NRP2: variants seen among roughly 807,000 people sequenced by gnomAD.
NRP2 encodes the protein neuropilin-2.
A neutral mutation model predicts 110.4 loss-of-function variants in NRP2; 52 were observed. The ratio of observed to expected loss-of-function variants is 0.47; its 90% CI spans 0.38 to 0.59. The LOEUF (loss-of-function observed/expected upper bound fraction) is 0.59. Ranked by LOEUF, NRP2 falls within the 20% of genes least tolerant of loss-of-function variation. The pLI is 0.00. For missense variants in NRP2, 1,049 were observed against 1,203.0 expected, an observed-to-expected ratio of 0.87 and a Z score of 1.89; for synonymous variants, 508 against 468.9, an observed-to-expected ratio of 1.08 and a Z score of -1.08.
intron 2 of NRP2, among the ~76,000 whole-genome samples, chr2:205,702,053 T>G (rs80234141): frequency 0.015 from 2,249 of 152,336 alleles, 42 homozygotes; most frequent in African/African-American, 0.051. Flanking sequence ...AAAGCTGTCA[T>G]AATAATAAAT....
chr2:205,702,698 C>T (rs2056586334), intron 2 of NRP2, among the ~76,000 whole-genome samples: 1 of 152,200 alleles, frequency 6.6e-6, no homozygotes, highest in Non-Finnish European at 1.5e-5. Flanking sequence ...ACAGAGAGAT[C>T]AGACCAGACC....
chr2:205,776,453 C>T (rs1253604632), intron 15 of NRP2: 1 of 1,612,942 alleles, frequency 6.2e-7, no homozygotes, highest in Admixed American at 1.7e-5. Context: ...TCCCACTACA[C>T]CAACGGGGCC....
At chr2:205,766,050 G>T (rs1163452761) in intron 14 of NRP2, among the ~76,000 whole-genome samples, 1 of 152,234 alleles carries the variant, frequency 6.6e-6, no homozygotes, top group Non-Finnish European at 1.5e-5. Context: ...GGCATTTGAA[G>T]TAAGATTTCA....
Position 205,793,213 on chromosome 2 carries a change from G to A in NRP2, c.2476+928G>A, listed in dbSNP as rs185719186. Among the ~76,000 whole-genome samples, 13 of 152,144 alleles carry A rather than the reference G, an allele frequency of 8.5e-5. No homozygotes were observed. The South Asian group carries it at 1.2e-3, about 15-fold the overall frequency. ...AGACCGCAGTAGATCAGGCAGAGGC[G>A]CACTGGAATGGAGTAGAAAGGGCAA... On this transcript the variant is annotated intron_variant, in intron 16 of 16. Transcript: ENST00000357785.
intron 11 of NRP2, 85 bp from the exon 12 acceptor site, chr2:205,752,750 G>A (rs1186669997): frequency 6.9e-7 from 1 of 1,448,890 alleles, no homozygotes; most frequent in Non-Finnish European, 9.7e-7. Flanking sequence ...CTCAGGCCTT[G>A]CCAGCCATTT....
chr2:205,691,560 G>A (rs889102577), intron 1 of NRP2, among the ~76,000 whole-genome samples: 1 of 152,152 alleles, frequency 6.6e-6, no homozygotes, highest in African/African-American at 2.4e-5. Flanking sequence ...TAACCAATGG[G>A]GAGCCATTAA....
intron 2 of NRP2, among the ~76,000 whole-genome samples, chr2:205,713,277 G>A (rs1461635364): frequency 1.3e-5 from 2 of 152,144 alleles, no homozygotes; most frequent in Non-Finnish European, 2.9e-5. Context: ...CACAAAGACT[G>A]GAACTATCTG....
intron 7 of NRP2, among the ~76,000 whole-genome samples, chr2:205,738,323 C>T (rs1232426069): frequency 6.6e-6 from 1 of 152,198 alleles, no homozygotes; most frequent in Non-Finnish European, 1.5e-5. Context: ...GGCCCCCCTG[C>T]TGCTGCTCAC....
intron 16 of NRP2, among the ~76,000 whole-genome samples, chr2:205,794,459 C>T (rs1488054226): frequency 1.3e-5 from 2 of 152,174 alleles, no homozygotes; most frequent in African/African-American, 4.8e-5. Context: ...TTGCAGACAC[C>T]AAGCACTTTA....
chr2:205,783,510 A>G (rs1363610680), intron 15 of NRP2, among the ~76,000 whole-genome samples: 5 of 152,248 alleles, frequency 3.3e-5, no homozygotes, highest in African/African-American at 1.2e-4. Context: ...AAACCTACAC[A>G]CCAAGAAAAA....
chr2:205,688,614 G>A (rs143684116), intron 1 of NRP2, among the ~76,000 whole-genome samples: 1 of 152,296 alleles, frequency 6.6e-6, no homozygotes, highest in African/African-American at 2.4e-5. Flanking sequence ...AGATAAGGCT[G>A]AGCTCCGATC....
Position 205,683,069 on chromosome 2 carries a change from G to T in NRP2, c.-222G>T, listed in dbSNP as rs1008670555. On this transcript the variant is annotated 5_prime_UTR_variant, in exon 1 of 17. Coordinates refer to ENST00000357785, the MANE Select transcript of NRP2 (RefSeq NM_003872.3). ...GAAAACCGTGTTCTCTTCCCGGCTT[G>T]TTCCCTCTTTGCTGATTTCAGGAGC... The T allele has an allele frequency of 1.9e-5, 11 of 574,572 alleles. No homozygotes were observed. The highest frequency in any genetic ancestry group is 3.1e-5 in the Non-Finnish European group (10 of 323,012). 35.6% of individuals were successfully genotyped at this position (574,572 alleles called of 1,614,324 possible).
intron 2 of NRP2, among the ~76,000 whole-genome samples, chr2:205,698,240 A>T (rs1220458722): frequency 6.6e-6 from 1 of 152,092 alleles, no homozygotes. Context: ...AAAAAATCTA[A>T]GTAGTTCTAA....
At chr2:205,685,841 G>A (rs888548552) in intron 1 of NRP2, 1 of 152,514 alleles carries the variant, frequency 6.6e-6, no homozygotes, top group African/African-American at 2.4e-5. Flanking sequence ...AAACTGGGGT[G>A]GGATTTCGGA....
chr2:205,733,990 C>T (rs2057293273), intron 7 of NRP2, among the ~76,000 whole-genome samples: 3 of 152,222 alleles, frequency 2.0e-5, no homozygotes, highest in Admixed American at 1.3e-4. Flanking sequence ...CCCCCCAGAA[C>T]GCAGCCGCCC....
In NRP2 at chr2:205,716,353, C is replaced by T. The variant is rs759512138; in HGVS notation, c.412C>T (p.Arg138Cys). 1.9e-6 allele frequency: 3 copies of T among 1,613,904 alleles called. No homozygotes were observed. The highest frequency in any genetic ancestry group is 8.5e-7 in the Non-Finnish European group (1 of 1,180,034). The change falls in exon 3 of 17, where the codon CGC (arginine) becomes TGC (cysteine). Residue 138 changes from arginine (R) to cysteine (C), a missense_variant. By Grantham distance (180) the Arg-to-Cys change is radical. Transcript: ENST00000357785. Reference sequence around the variant, plus strand: ...CCGGCAGGGGGCAGGCTTCTCTCTGCGCTACGAGATCTTCAAGACAGGTCA... The same window carrying T: ...CCGGCAGGGGGCAGGCTTCTCTCTGTGCTACGAGATCTTCAAGACAGGTCA... Reference protein sequence around the residue: ...YARQGAGFSLRYEIFKTGSED... With the variant: ...YARQGAGFSLCYEIFKTGSED...
chr2:205,708,554 T>G (rs999757359), intron 2 of NRP2, among the ~76,000 whole-genome samples: 3 of 152,238 alleles, frequency 2.0e-5, no homozygotes, highest in Non-Finnish European at 2.9e-5. Context: ...GGAGGCATTC[T>G]TGGCAGCCTG....
chr2:205,725,892 T>C lies in NRP2; in HGVS notation c.821-21T>C. On this transcript the variant is annotated intron_variant, in intron 5 of 16. Transcript: ENST00000357785. The surrounding 1 kb of genome is among the most constrained non-coding windows in gnomAD (Gnocchi z 4.1). ...ATGAGGTTGGAAGGCCTAACTGCAT[T>C]TGACCGTCTGCTTTCCCCAGACTTT... 6.2e-7 allele frequency: 1 copy of C among 1,613,624 alleles called. No homozygotes were observed.
intron 15 of NRP2, among the ~76,000 whole-genome samples, chr2:205,786,188 G>A (rs2058233946): frequency 6.6e-6 from 1 of 152,214 alleles, no homozygotes; most frequent in Non-Finnish European, 1.5e-5. Flanking sequence ...TGGTGGGGAA[G>A]GCGGACCTTC....
Sources: allele counts gnomAD v4.1 joint callset (sites outside exome capture counted in the v4.1 genomes callset), GRCh38; gene constraint gnomAD v4.1.1; non-coding constraint Gnocchi (gnomAD v3.1); transcripts MANE v1.5; gene names NCBI Gene and HGNC (gene_info 2026-07-23, HGNC 2026-07-21).